The following PLA2G6 variants were observed in gnomAD, a reference collection of about 807,000 sequenced individuals.
The protein encoded by PLA2G6 is 85/88 kDa calcium-independent phospholipase A2.
PLA2G6 carries 62 observed loss-of-function variants against 83.8 expected under a neutral mutation model. The ratio of observed to expected loss-of-function variants is 0.74; its 90% confidence interval spans 0.60 to 0.91. The LOEUF (loss-of-function observed/expected upper bound fraction) is 0.91. Among genes scored for constraint, PLA2G6 ranks in the 40% least tolerant of loss-of-function variants. The pLI is 0.00. For synonymous variants in PLA2G6, 417 were observed against 449.8 expected (o/e 0.93, Z 0.92); for missense variants, 944 against 1,102.0 (o/e 0.86, Z 2.03).
Position 38,143,144 on chromosome 22 carries a change from G to A in PLA2G6, c.570C>T (p.Phe190=). The A allele has an allele frequency of 3.7e-6, 6 of 1,614,204 alleles. No individual in the cohort carries two copies. Among genetic ancestry groups the A allele is most frequent in the Non-Finnish European group, 5.1e-6 (6 of 1,180,034 alleles). Residue 190 remains phenylalanine (F), a synonymous_variant, in exon 4 of 17, where the codon TTC becomes TTT. Transcript: ENST00000332509. The part of the protein sequence containing the change: ...DVTDYKGETV[F]HYAVQGDNSQ... Reference sequence around the variant, plus strand: ...AATTGTCACCCTGGACAGCATAATGGAAGACGGTCTCTCCCTTGTAGTCGG... The same window carrying A: ...AATTGTCACCCTGGACAGCATAATGAAAGACGGTCTCTCCCTTGTAGTCGG...
chr22:38,124,902 C>T (rs11570723), intron 10 of PLA2G6, among the ~76,000 whole-genome samples: 164 of 152,304 alleles, frequency 1.1e-3, no homozygotes, highest in African/African-American at 3.8e-3. Flanking sequence ...GCGGGGCTGG[C>T]GACAGAGATC....
chr22:38,115,403 A>C lies in PLA2G6; in HGVS notation c.2034+124T>G, dbSNP rs1602065433. 5 of 820,912 alleles carry C rather than the reference A, an allele frequency of 6.1e-6. No homozygotes were observed. In the East Asian group the frequency reaches 1.3e-4, roughly 22 times the overall value. 50.9% of individuals were successfully genotyped at this position (820,912 alleles called of 1,614,324 possible). On this transcript the variant is annotated intron_variant, in intron 14 of 16. Coordinates refer to ENST00000332509, the MANE Select transcript of PLA2G6 (RefSeq NM_003560.4). ...TGAGATCAATTTGCCCTGTGTGCAC[A>C]TATGAATGAGTGCGTGTGTAAAAGC...
chr22:38,121,170 G>C (rs1257356675), intron 11 of PLA2G6: 3 of 423,768 alleles, frequency 7.1e-6, no homozygotes, highest in Non-Finnish European at 1.3e-5. Context: ...TTGAGGTCAG[G>C]AGTTTGAGAC....
intron 12 of PLA2G6, among the ~76,000 whole-genome samples, chr22:38,117,426 A>G (rs756410960): frequency 6.6e-6 from 1 of 151,872 alleles, no homozygotes; most frequent in African/African-American, 2.4e-5. Flanking sequence ...TGATCTCCTG[A>G]CCTCATGATC....
In PLA2G6 at chr22:38,123,254, C is replaced by A. The variant is rs751693627; in HGVS notation, c.1432G>T (p.Asp478Tyr). The stretch of plus-strand genomic sequence containing the variant: ...CCTCCATCCAGGCACAGCAGGTGGT[C>A]GTGGCTGCAGTGGGAACAGCAGTGG... ...GSMRDEKRTH[D>Y]HLLCLDGGGV... Residue 478 changes from aspartate to tyrosine, a missense_variant, in exon 11 of 17, where the codon GAC (aspartate) becomes TAC (tyrosine). Transcript: ENST00000332509. This position sits in a 1 kb window ranked among gnomAD's most constrained non-coding sequence, Gnocchi z 4.1. The A allele has an allele frequency of 1.9e-6, 3 of 1,558,746 alleles. No homozygotes were observed. Among genetic ancestry groups the A allele is most frequent in the East Asian group, 2.4e-5 (1 of 41,774 alleles).
intron 2 of PLA2G6, among the ~76,000 whole-genome samples, chr22:38,160,206 G>A (rs1016336315): frequency 6.6e-6 from 1 of 152,132 alleles, no homozygotes; most frequent in African/African-American, 2.4e-5. Context: ...ACACCCGACA[G>A]AATGACTAAA....
At chr22:38,121,502 G>C (rs1233261295) in intron 11 of PLA2G6, among the ~76,000 whole-genome samples, 2 of 152,180 alleles carry the variant, frequency 1.3e-5, no homozygotes, top group African/African-American at 2.4e-5. Flanking sequence ...AGAAAACAAG[G>C]AATAGCCCTG....
chr22:38,115,529 T>C lies in PLA2G6; in HGVS notation c.2032A>G (p.Lys678Glu), dbSNP rs2087135251. The change falls in exon 14 of 17, where the codon AAG becomes GAG. Residue 678 changes from lysine to glutamate, a missense_variant and splice_region_variant. Physicochemically the swap from Lys to Glu is moderately conservative, Grantham distance 56 (BLOSUM62 1). Coordinates refer to ENST00000332509, the MANE Select transcript of PLA2G6 (RefSeq NM_003560.4). Reference protein sequence around the residue: ...IHEYNQDLIRKGQANKVKKLS... With the variant: ...IHEYNQDLIREGQANKVKKLS... ...GCCCTCTGGCCTACGGCACTCACCT[T>C]GCGGATCAGGTCCTGATTGTACTCA... The C allele has an allele frequency of 3.1e-6, 5 of 1,612,954 alleles. No homozygotes were observed. Among genetic ancestry groups the C allele is most frequent in the Non-Finnish European group, 3.4e-6 (4 of 1,179,686 alleles).
At chr22:38,126,501 G>C in intron 9 of PLA2G6, 52 bp from the exon 10 acceptor site, 2 of 1,411,890 alleles carry the variant, frequency 1.4e-6, no homozygotes, top group Non-Finnish European at 2.0e-6. Context: ...CCCAAGCCCT[G>C]CTACCCCAGA....
chr22:38,119,483 G>A (rs1172594663), intron 12 of PLA2G6, among the ~76,000 whole-genome samples: 3 of 152,170 alleles, frequency 2.0e-5, no homozygotes, highest in Non-Finnish European at 2.9e-5. Context: ...TTTCCAGCTC[G>A]ACACAGGAGA....
chr22:38,153,655 G>T (rs1370168849), intron 2 of PLA2G6, among the ~76,000 whole-genome samples: 2 of 150,828 alleles, frequency 1.3e-5, no homozygotes, highest in East Asian at 3.9e-4. Context: ...AAAAAAAGAT[G>T]CCCAAATAGA....
intron 1 of PLA2G6, among the ~76,000 whole-genome samples, chr22:38,172,965 G>A (rs996532811): frequency 3.3e-5 from 5 of 152,206 alleles, no homozygotes; most frequent in Admixed American, 2.6e-4. Flanking sequence ...ACGCAATGGA[G>A]GGAAGGTGTC....
intron 2 of PLA2G6, among the ~76,000 whole-genome samples, chr22:38,163,866 C>T (rs757370663): frequency 1.3e-5 from 2 of 151,980 alleles, no homozygotes; most frequent in Non-Finnish European, 2.9e-5. Context: ...CCCCAGAGTA[C>T]GTGGCCAGGA....
rs28565947 is a variant in PLA2G6, at chr22:38,174,768, C to T, written c.-45-5297G>A. 2.6e-5 allele frequency among the ~76,000 whole-genome samples: 4 copies of T among 152,022 alleles called. No homozygotes were observed. In the South Asian group the frequency reaches 6.2e-4, roughly 24 times the overall value. ...GCATTTTCACTGGGACTGGACGGCT[C>T]GAGAGGGGAAGGTGCTGAGAGGAGG... On this transcript the variant is annotated intron_variant, in intron 1 of 16. Coordinates refer to ENST00000332509, the MANE Select transcript of PLA2G6 (RefSeq NM_003560.4).
At chr22:38,180,500 G>C (rs562853630) in intron 1 of PLA2G6, 2 of 152,180 alleles carry the variant, frequency 1.3e-5, no homozygotes, top group African/African-American at 4.8e-5. Context: ...TTAGATAAAC[G>C]ATGACTGAAT....
chr22:38,145,784 A>AAAAC (rs1404075901), intron 2 of PLA2G6, 131 bp from the exon 3 acceptor site: 17 of 484,200 alleles, frequency 3.5e-5, no homozygotes, highest in Non-Finnish European at 4.9e-5. Context: ...CTCCCAAGCA[A>AAAAC]ACACACACAC....
intron 2 of PLA2G6, chr22:38,148,145 G>T: frequency 3.9e-6 from 1 of 258,192 alleles, no homozygotes; most frequent in Non-Finnish European, 7.6e-6. Flanking sequence ...AGGCATGCAC[G>T]ACCTTGACAA....
At chr22:38,133,869 C>CCAT (rs11570677) in intron 6 of PLA2G6, 14,133 of 152,904 alleles carry the variant, frequency 0.092, 740 homozygotes, top group East Asian at 0.15. Context: ...CCATCATCAT[C>CCAT]CATCATCATC....
chr22:38,127,439 G>A lies in PLA2G6; in HGVS notation c.1348+830C>T, dbSNP rs760155751. 8.3e-6 allele frequency: 11 copies of A among 1,331,510 alleles called. No individual in the cohort carries two copies. In the Admixed American group the frequency reaches 1.1e-4, roughly 13 times the overall value. 82.5% of individuals were successfully genotyped at this position (1,331,510 alleles called of 1,614,324 possible). A position where few individuals can be genotyped will look rare whatever the true frequency, so the allele number is the denominator to read the frequency against. ...ACGCCGCACCCCAGGCCCACCATCC[G>A]GCCTGGCTTGGGTGACTGCCTGCAA... On this transcript the variant is annotated intron_variant, in intron 9 of 16. Coordinates refer to ENST00000332509, the MANE Select transcript of PLA2G6 (RefSeq NM_003560.4).
Sources: allele counts gnomAD v4.1 joint callset (sites outside exome capture counted in the v4.1 genomes callset), GRCh38; gene constraint gnomAD v4.1.1; non-coding constraint Gnocchi (gnomAD v3.1); transcripts MANE v1.5; gene names NCBI Gene and HGNC (gene_info 2026-07-23, HGNC 2026-07-21).